Variants in WNT9B observed in about 807,000 individuals in gnomAD.
The protein encoded by WNT9B is Wnt family member 9B.
A neutral mutation model predicts 30.2 loss-of-function variants in WNT9B; 12 were observed. The ratio of observed to expected loss-of-function variants is 0.40; its 90% CI spans 0.26 to 0.64. The LOEUF is 0.64. WNT9B is among the 30% of genes least tolerant of loss of function. The pLI is 0.42. For synonymous variants in WNT9B, 218 were observed against 216.9 expected, an observed-to-expected ratio of 1.01 and a Z score of -0.05; for missense variants, 442 against 485.2, an observed-to-expected ratio of 0.91 and a Z score of 0.84.
intron 1 of WNT9B, among the ~76,000 whole-genome samples, chr17:46,836,095 C>CTGTGTGTGTGTGTGT (rs771533837): frequency 2.4e-5 from 3 of 126,434 alleles, no homozygotes; most frequent in African/African-American, 6.4e-5. Context: ...GAGACGCTGA[C>CTGTGTGTGTGTGTGT]GTGTGTGTGT....
chr17:46,849,917 G>A (rs1350054643), upstream of WNT9B, among the ~76,000 whole-genome samples: 1 of 147,654 alleles, frequency 6.8e-6, no homozygotes, highest in Non-Finnish European at 1.5e-5. Flanking sequence ...GCGTGATTTC[G>A]GCTCACTGCA....
At chr17:46,857,628 A>T (rs2084961599) in intron 1 of WNT9B, among the ~76,000 whole-genome samples, 1 of 152,106 alleles carries the variant, frequency 6.6e-6, no homozygotes, top group Admixed American at 6.6e-5. Context: ...GTTGGATCAG[A>T]TGGTTGATAT....
At chr17:46,835,640 C>G (rs2146511815) in intron 1 of WNT9B, among the ~76,000 whole-genome samples, 1 of 152,362 alleles carries the variant, frequency 6.6e-6, no homozygotes, top group South Asian at 2.1e-4. Context: ...TGTAGTCATT[C>G]CTGACCTACA....
intron 1 of WNT9B, among the ~76,000 whole-genome samples, chr17:46,833,652 T>C (rs547445994): frequency 6.6e-6 from 1 of 152,174 alleles, no homozygotes; most frequent in South Asian, 2.1e-4. Context: ...TCTAACAAAA[T>C]CAAGAAATCA....
rs772443750 is a variant in WNT9B, at chr17:46,875,056, C to G, written c.335-45C>G. ...ACCTCTAAGCTTCCTCCTTTCCTCT[C>G]TTCCCCCTTTCCTCCCTCCCTATGC... On this transcript the variant is annotated intron_variant, in intron 2 of 3. Coordinates refer to ENST00000290015, the MANE Select transcript of WNT9B (RefSeq NM_003396.3). The G allele has an allele frequency of 4.3e-6, 7 of 1,613,278 alleles. No homozygotes were observed. The South Asian group carries it at 7.7e-5, about 18-fold the overall frequency.
At chr17:46,840,056 CTCTT>C (rs1440949002) in intron 1 of WNT9B, among the ~76,000 whole-genome samples, 2 of 135,650 alleles carry the variant, frequency 1.5e-5, no homozygotes, top group African/African-American at 5.6e-5. Flanking sequence ...TTCTCTCTCT[CTCTT>C]TCCTTTCTTT....
At chr17:46,873,429 G>A (rs2085289448) in intron 2 of WNT9B, among the ~76,000 whole-genome samples, 1 of 152,074 alleles carries the variant, frequency 6.6e-6, no homozygotes, top group African/African-American at 2.4e-5. Flanking sequence ...GGAGAACACA[G>A]GTCACCATGT....
chr17:46,861,173 G>C (rs557813663), intron 1 of WNT9B, among the ~76,000 whole-genome samples: 1 of 152,342 alleles, frequency 6.6e-6, no homozygotes, highest in East Asian at 1.9e-4. Flanking sequence ...CGACCCTGTG[G>C]CCCAGGCCCT....
chr17:46,883,707 C>T (rs982170356), downstream of WNT9B, among the ~76,000 whole-genome samples: 4 of 152,142 alleles, frequency 2.6e-5, no homozygotes, highest in Non-Finnish European at 4.4e-5. Flanking sequence ...GTGCTGGGCA[C>T]GGCCTGGGGA....
chr17:46,835,368 C>T (rs890249772), intron 1 of WNT9B, among the ~76,000 whole-genome samples: 5 of 152,092 alleles, frequency 3.3e-5, no homozygotes, highest in African/African-American at 9.7e-5. Flanking sequence ...CCCGCCACCA[C>T]GCCCAGCTAA....
intron 1 of WNT9B, among the ~76,000 whole-genome samples, chr17:46,871,309 G>A (rs2085240100): frequency 1.3e-5 from 2 of 152,104 alleles, no homozygotes; most frequent in Admixed American, 6.5e-5. Context: ...CCCACACTGG[G>A]GGCACCAGGA....
intron 1 of WNT9B, among the ~76,000 whole-genome samples, chr17:46,867,686 A>C (rs1404298121): frequency 6.6e-6 from 1 of 152,200 alleles, no homozygotes; most frequent in East Asian, 1.9e-4. Context: ...AGCTTTAGCC[A>C]CAATTGTGGG....
At chr17:46,883,876 C>T (rs940770249), downstream of WNT9B, among the ~76,000 whole-genome samples, 1 of 152,198 alleles carries the variant, frequency 6.6e-6, no homozygotes, top group Non-Finnish European at 1.5e-5. Context: ...CTTATCCCCC[C>T]ACTCCCATCC....
chr17:46,847,744 T>A (rs1247126008), upstream of WNT9B, among the ~76,000 whole-genome samples: 2 of 151,932 alleles, frequency 1.3e-5, no homozygotes, highest in African/African-American at 2.4e-5. Flanking sequence ...TTGAGGGAGA[T>A]TAGAGGAGAG....
At chr17:46,881,244 G>A (rs1463196223), downstream of WNT9B, among the ~76,000 whole-genome samples, 1 of 152,218 alleles carries the variant, frequency 6.6e-6, no homozygotes, top group Non-Finnish European at 1.5e-5. Flanking sequence ...GGAGGCAGAG[G>A]TGGGCCCACA....
rs181240215 is a variant in WNT9B at position 46,859,283 on chromosome 17, G to A, written c.77+7568G>A. ...GAGCCACCACACCCAGCCAATCTTA[G>A]CTTTTACCCTTAAGTCTATGGTTCA... On this transcript the variant is annotated intron_variant, in intron 1 of 3. Coordinates refer to ENST00000290015, the MANE Select transcript of WNT9B (RefSeq NM_003396.3). 3.4e-3 allele frequency among the ~76,000 whole-genome samples: 524 copies of A among 152,256 alleles called. 2 individuals are homozygous for A. The highest frequency in any genetic ancestry group is 0.01 in the Middle Eastern group (3 of 294).
intron 3 of WNT9B, among the ~76,000 whole-genome samples, chr17:46,876,015 G>A (rs902877635): frequency 5.3e-5 from 8 of 152,226 alleles, no homozygotes; most frequent in Non-Finnish European, 1.2e-4. Flanking sequence ...GGTGTGAACC[G>A]GGGCTGCTGT....
chr17:46,884,200 T>C (rs1242579876), downstream of WNT9B, among the ~76,000 whole-genome samples: 1 of 152,070 alleles, frequency 6.6e-6, no homozygotes, highest in Non-Finnish European at 1.5e-5. Flanking sequence ...GGCTCTAATC[T>C]CAGCTGTCTT....
intron 1 of WNT9B, among the ~76,000 whole-genome samples, chr17:46,870,246 G>A (rs894336704): frequency 5.9e-5 from 9 of 152,078 alleles, no homozygotes; most frequent in African/African-American, 1.2e-4. Context: ...ACCAGCCCTC[G>A]GTGTGAGAAG....
Sources: gnomAD v4.1 joint callset for allele counts (sites outside exome capture counted in the v4.1 genomes callset) on GRCh38, gnomAD v4.1.1 for gene constraint, MANE v1.5 for transcripts, NCBI Gene and HGNC (gene_info 2026-07-23, HGNC 2026-07-21) for gene names.